The following PGA5 variants were observed in gnomAD, a reference collection of about 807,000 sequenced individuals.
PGA5 encodes the protein pepsinogen A5.
In PGA5, 19 loss-of-function variants were observed where a neutral mutation model predicts 15.9. That is an observed-to-expected ratio of 1.19 (90% CI 0.83 to 1.75). PGA5 has a LOEUF of 1.75. PGA5 is among the 40% of genes most tolerant of loss of function. PGA5 has a pLI of 0.00. For missense variants in PGA5, 224 were observed against 246.4 expected (o/e 0.91, Z 0.61); for synonymous variants, 92 against 95.8 (o/e 0.96, Z 0.23).
chr11:61,246,316 C>T (rs548950504), intron 5 of PGA5, among the ~76,000 whole-genome samples, 171 bp downstream of exon 5: 23 of 147,146 alleles, frequency 1.6e-4, no homozygotes, highest in Admixed American at 1.4e-3. Flanking sequence ...AGTAATAGTG[C>T]CAAGTCTGTC....
chr11:61,249,757 A>C lies in PGA5; in HGVS notation c.862A>C (p.Ser288Arg). The change falls in exon 7 of 9, where the codon AGC becomes CGC. Residue 288 changes from serine (S) to arginine (R), a missense_variant. Physicochemically the swap from Ser to Arg is moderately radical, Grantham distance 110. Coordinates refer to ENST00000312403, the MANE Select transcript of PGA5 (RefSeq NM_014224.5). ...CACCTCTCTGCTGACCGGCCCAACCAGCCCCATTGCCAACATCCAGAGCGA... is the reference window on the plus strand; with the variant it reads ...CACCTCTCTGCTGACCGGCCCAACCCGCCCCATTGCCAACATCCAGAGCGA... ...TGTSLLTGPT[S>R]PIANIQSDIG... is the part of the protein sequence containing the mutation. The C allele has an allele frequency of 6.2e-7, 1 of 1,613,648 alleles. No homozygotes were observed. The highest frequency in any genetic ancestry group is 8.5e-7 in the Non-Finnish European group (1 of 1,179,866).
chr11:61,247,164 A>G (rs1187168876), intron 5 of PGA5, among the ~76,000 whole-genome samples: 3 of 151,918 alleles, frequency 2.0e-5, no homozygotes, highest in African/African-American at 7.3e-5. Context: ...GTTGGTAACT[A>G]CACGTCTAGG....
rs1206070454 is a variant in PGA5 at position 61,245,776 on chromosome 11, C to G, written c.457-170C>G. The G allele has an allele frequency of 5.9e-5, 5 of 84,398 alleles. No homozygotes were observed. The East Asian group carries it at 9.7e-4, about 16-fold the overall frequency. 5.2% of individuals were successfully genotyped at this position (84,398 alleles called of 1,614,324 possible). A position where few individuals can be genotyped will look rare whatever the true frequency, so the allele number is the denominator to read the frequency against. ...GATCAGCTGCCATGGTTACCTCCAG[C>G]AGAGGAACCAGCATTCCAGCAGACA... On this transcript the variant is annotated intron_variant, in intron 4 of 8. Transcript: ENST00000312403.
chr11:61,248,386 A>G, intron 5 of PGA5, 33 bp from the exon 6 acceptor site: 1 of 1,613,812 alleles, frequency 6.2e-7, no homozygotes. Context: ...GACGAACAAA[A>G]AAATTCATGT....
At chr11:61,249,200 C>T in intron 6 of PGA5, 1 of 292,468 alleles carries the variant, frequency 3.4e-6, no homozygotes, top group Non-Finnish European at 6.6e-6. Flanking sequence ...AACACCTGCC[C>T]CAGCCCTCTG....
intron 5 of PGA5, among the ~76,000 whole-genome samples, chr11:61,246,533 G>C (rs926961570): frequency 2.0e-5 from 3 of 151,742 alleles, no homozygotes; most frequent in Admixed American, 6.6e-5. Flanking sequence ...GCACTGAGGC[G>C]GGAGGATCAC....
In PGA5 at chr11:61,249,654, G is replaced by T; in HGVS notation, c.774-15G>T. On this transcript the variant is annotated splice_polypyrimidine_tract_variant and intron_variant, in intron 6 of 8. Transcript: ENST00000312403. ...CCTGAGGGCTCAGGGAGCTTAACTT[G>T]CTTCTTACCCTCAGCATCACCATGA... 4 of 1,613,574 alleles carry T rather than the reference G, an allele frequency of 2.5e-6. No individual in the cohort carries two copies. The highest frequency in any genetic ancestry group is 3.4e-6 in the Non-Finnish European group (4 of 1,179,834).
In PGA5 at chr11:61,249,731, G is replaced by A; in HGVS notation, c.836G>A (p.Gly279Asp). 4 of 1,613,500 alleles carry A rather than the reference G, an allele frequency of 2.5e-6. No homozygotes were observed. Among genetic ancestry groups the A allele is most frequent in the Non-Finnish European group, 3.4e-6 (4 of 1,179,842 alleles). ...GGCTGCCAGGCCATTGTTGACACCGGCACCTCTCTGCTGACCGGCCCAACC... is the reference window on the plus strand; with the variant it reads ...GGCTGCCAGGCCATTGTTGACACCGACACCTCTCTGCTGACCGGCCCAACC... ...AEGCQAIVDT[G>D]TSLLTGPTSP... is the part of the protein sequence containing the mutation. Residue 279 changes from glycine to aspartate, a missense_variant, in exon 7 of 9, where the codon GGC (glycine) becomes GAC (aspartate). Gly to Asp is a moderately conservative substitution (Grantham distance 94). Transcript: ENST00000312403.
Position 61,248,460 on chromosome 11 carries a change from A to C in PGA5, c.698A>C (p.Asp233Ala). 1 of 1,613,388 alleles carries C rather than the reference A, an allele frequency of 6.2e-7. No individual in the cohort carries two copies. The highest frequency in any genetic ancestry group is 8.5e-7 in the Non-Finnish European group (1 of 1,179,790). ...SGSVVIFGGIDSSYYTGSLNW... is the reference protein window; with the variant it reads ...SGSVVIFGGIASSYYTGSLNW... ...AGCGTGGTGATCTTTGGTGGCATTG[A>C]CTCTTCTTACTACACTGGAAGTCTG... Residue 233 changes from aspartate (D) to alanine (A), a missense_variant, in exon 6 of 9, where the codon GAC (aspartate) becomes GCC (alanine). By Grantham distance (126) the Asp-to-Ala change is moderately radical (BLOSUM62 -2). Transcript: ENST00000312403.
At position 61,251,118 on chromosome 11, in the gene PGA5, C is replaced by T. The variant is rs1359678226; in HGVS notation, c.1018-14C>T. On this transcript the variant is annotated splice_polypyrimidine_tract_variant and intron_variant, in intron 8 of 8. Coordinates refer to ENST00000312403, the MANE Select transcript of PGA5 (RefSeq NM_014224.5). Reference sequence around the variant, plus strand: ...TCGGTGTCCCAGCTCCACTTTTATTCTCCTTTTCTCCAGAGCGAGGGGAGC... The same window carrying T: ...TCGGTGTCCCAGCTCCACTTTTATTTTCCTTTTCTCCAGAGCGAGGGGAGC... 7 of 1,611,724 alleles carry T rather than the reference C, an allele frequency of 4.3e-6. No individual in the cohort carries two copies. The highest frequency in any genetic ancestry group is 5.9e-6 in the Non-Finnish European group (7 of 1,179,872).
intron 6 of PGA5, among the ~76,000 whole-genome samples, chr11:61,248,967 C>A (rs555533722): frequency 6.6e-6 from 1 of 152,130 alleles, no homozygotes; most frequent in Non-Finnish European, 1.5e-5. Flanking sequence ...CTTCATTCCA[C>A]CCTCCCCTTC....
At chr11:61,246,532 C>T (rs1324677082) in intron 5 of PGA5, among the ~76,000 whole-genome samples, 3 of 151,766 alleles carry the variant, frequency 2.0e-5, no homozygotes, top group East Asian at 3.9e-4. Flanking sequence ...AGCACTGAGG[C>T]GGGAGGATCA....
rs1204077188 is a variant in PGA5 at position 61,249,751 on chromosome 11, C to G, written c.856C>G (p.Pro286Ala). The change falls in exon 7 of 9, where the codon CCA becomes GCA. Residue 286 changes from proline (P) to alanine (A), a missense_variant. Physicochemically the swap from Pro to Ala is conservative, Grantham distance 27. Coordinates refer to ENST00000312403, the MANE Select transcript of PGA5 (RefSeq NM_014224.5). ...VDTGTSLLTG[P>A]TSPIANIQSD... ...CACCGGCACCTCTCTGCTGACCGGC[C>G]CAACCAGCCCCATTGCCAACATCCA... 6.2e-7 allele frequency: 1 copy of G among 1,613,628 alleles called. No individual in the cohort carries two copies. The highest frequency in any genetic ancestry group is 1.3e-5 in the African/African-American group (1 of 74,756).
At position 61,251,263 on chromosome 11, in the gene PGA5, C is replaced by T. The variant is rs200292738; in HGVS notation, c.1149C>T (p.Gly383=). The change falls in exon 9 of 9, where the codon GGC becomes GGT. Residue 383 remains glycine, a synonymous_variant. Coordinates refer to ENST00000312403, the MANE Select transcript of PGA5 (RefSeq NM_014224.5). ...TCGACAGGGCAAACAACCAGGTCGGCCTGGCCCCTGTGGCTTAAGCCTAAG... is the reference window on the plus strand; with the variant it reads ...TCGACAGGGCAAACAACCAGGTCGGTCTGGCCCCTGTGGCTTAAGCCTAAG... ...TVFDRANNQV[G]LAPVA is the part of the protein sequence containing the mutation. 59 of 1,611,712 alleles carry T rather than the reference C, an allele frequency of 3.7e-5. No homozygotes were observed. Among genetic ancestry groups the T allele is most frequent in the Admixed American group, 8.3e-5 (5 of 59,984 alleles).
Position 61,251,291 on chromosome 11 carries a change from T to C in PGA5, c.*10T>C. The C allele has an allele frequency of 6.2e-7, 1 of 1,611,852 alleles. No homozygotes were observed. The highest frequency in any genetic ancestry group is 8.5e-7 in the Non-Finnish European group (1 of 1,179,854). ...GGCCCCTGTGGCTTAAGCCTAAGTC[T>C]CTTCAGCCACCTCCCAGGAAGATCT... On this transcript the variant is annotated 3_prime_UTR_variant, in exon 9 of 9. Coordinates refer to ENST00000312403, the MANE Select transcript of PGA5 (RefSeq NM_014224.5).
chr11:61,249,456 C>T (rs1366999381), intron 6 of PGA5: 25 of 940,176 alleles, frequency 2.7e-5, no homozygotes, highest in East Asian at 1.1e-4. Flanking sequence ...TTTCGCTTGG[C>T]GTTTCCCATG....
At chr11:61,250,308 T>C (rs1274502040) in intron 8 of PGA5, among the ~76,000 whole-genome samples, 6 of 151,278 alleles carry the variant, frequency 4.0e-5, no homozygotes, top group African/African-American at 1.5e-4. Context: ...AGCCCATTGA[T>C]TCTGAACAAG....
intron 6 of PGA5, 63 bp from the exon 7 acceptor site, chr11:61,249,606 G>T (rs1854110325): frequency 6.2e-7 from 1 of 1,613,170 alleles, no homozygotes; most frequent in South Asian, 1.1e-5. Context: ...TCACCTCCTG[G>T]TTCCTCCTTG....
Position 61,246,053 on chromosome 11 carries a change from C to T in PGA5, c.564C>T (p.Pro188=). The change falls in exon 5 of 9, where the codon CCC becomes CCT. Residue 188 remains proline (P), a synonymous_variant. Coordinates refer to ENST00000312403, the MANE Select transcript of PGA5 (RefSeq NM_014224.5). ...PFDGILGLAY[P]SISSSGATPV... ...ATGGCATCCTGGGGCTGGCCTACCC[C>T]AGCATTTCCTCCTCCGGGGCCACAC... is the stretch of plus-strand genomic sequence containing the variant. 2.4e-6 allele frequency: 1 copy of T among 418,034 alleles called. No homozygotes were observed. Among genetic ancestry groups the T allele is most frequent in the Middle Eastern group, 5.4e-4 (1 of 1,862 alleles). The allele number at this position is 418,034 out of a possible 1,614,324, so 25.9% of individuals were successfully genotyped here.
Sources: gnomAD v4.1 joint callset for allele counts (sites outside exome capture counted in the v4.1 genomes callset) on GRCh38, gnomAD v4.1.1 for gene constraint, MANE v1.5 for transcripts, NCBI Gene and HGNC (gene_info 2026-07-23, HGNC 2026-07-21) for gene names.